The following PACRG variants were observed in gnomAD, a reference collection of about 807,000 sequenced individuals.
The protein encoded by PACRG is parkin coregulated gene protein.
A neutral mutation model predicts 29.7 loss-of-function variants in PACRG; 29 were observed. The ratio of observed to expected loss-of-function variants is 0.98; its 90% CI spans 0.73 to 1.33. The LOEUF (loss-of-function observed/expected upper bound fraction) is 1.33. PACRG is among the 40% of genes most tolerant of loss of function. The pLI, the probability that PACRG is intolerant of heterozygous loss-of-function variation, is 0.00. For synonymous variants in PACRG, 116 were observed against 118.7 expected, an observed-to-expected ratio of 0.98 and a Z score of 0.15; for missense variants, 279 against 316.2, an observed-to-expected ratio of 0.88 and a Z score of 0.89.
At chr6:162,923,054 A>G (rs1797178273) in intron 2 of PACRG, among the ~76,000 whole-genome samples, 1 of 152,088 alleles carries the variant, frequency 6.6e-6, no homozygotes, top group Non-Finnish European at 1.5e-5. Context: ...TTTTTTACTT[A>G]TTGATGATAG....
chr6:163,218,001 A>G (rs1316126985), intron 4 of PACRG, among the ~76,000 whole-genome samples: 1 of 152,216 alleles, frequency 6.6e-6, no homozygotes, highest in Non-Finnish European at 1.5e-5. Flanking sequence ...ACACTGGTCC[A>G]TGGAAAAATT....
At chr6:162,844,566 C>G (rs1187991119) in intron 2 of PACRG, among the ~76,000 whole-genome samples, 1 of 152,262 alleles carries the variant, frequency 6.6e-6, no homozygotes, top group Non-Finnish European at 1.5e-5. Context: ...CTGCGTCGCT[C>G]ACGCTGGGAG....
At chr6:162,928,427 GT>G (rs1204909999) in intron 2 of PACRG, among the ~76,000 whole-genome samples, 2 of 151,152 alleles carry the variant, frequency 1.3e-5, no homozygotes, top group Non-Finnish European at 3.0e-5. Context: ...CTAGCTAATG[GT>G]TTTTTTCATA....
intron 2 of PACRG, among the ~76,000 whole-genome samples, chr6:162,903,201 C>T (rs986017364): frequency 7.9e-5 from 12 of 152,112 alleles, no homozygotes; most frequent in Non-Finnish European, 1.6e-4. Flanking sequence ...TAGAATCAGA[C>T]CCACCCCCGA....
chr6:162,970,846 G>A (rs1020730327), intron 2 of PACRG, among the ~76,000 whole-genome samples: 39 of 29,856 alleles, frequency 1.3e-3, no homozygotes, highest in African/African-American at 3.3e-3. Context: ...CATTGCCCCT[G>A]TCACCTGAGC....
In PACRG at chr6:163,042,054, G is replaced by A. The variant is rs372320870; in HGVS notation, c.292-20096G>A. Among the ~76,000 whole-genome samples, 163 of 152,206 alleles carry A rather than the reference G, an allele frequency of 1.1e-3. 1 individual carries two copies. The highest frequency in any genetic ancestry group is 3.6e-3 in the African/African-American group (148 of 41,538). ...CTAATTTTGTATTTTTAGTAGAGAC[G>A]GGGTTTCTCCATGTTGGTCAGGCTG... On this transcript the variant is annotated intron_variant, in intron 2 of 4. Transcript: ENST00000366888.
intron 1 of PACRG, among the ~76,000 whole-genome samples, chr6:162,774,808 T>C (rs1290604450): frequency 6.6e-6 from 1 of 152,198 alleles, no homozygotes; most frequent in East Asian, 1.9e-4. Context: ...CTTTGTTGTA[T>C]TCTTTTATTA....
chr6:163,289,179 C>T (rs536939768), intron 4 of PACRG, among the ~76,000 whole-genome samples: 4 of 152,272 alleles, frequency 2.6e-5, no homozygotes, highest in South Asian at 2.1e-4. Flanking sequence ...GGCCGTGGAC[C>T]GACTGAACCC....
intron 1 of PACRG, among the ~76,000 whole-genome samples, chr6:162,811,026 A>G (rs1157348702): frequency 6.6e-6 from 1 of 152,172 alleles, no homozygotes; most frequent in African/African-American, 2.4e-5. Flanking sequence ...AGACAGAGAA[A>G]AATCGTGGCA....
At chr6:162,949,505 G>A (rs1447493356) in intron 2 of PACRG, among the ~76,000 whole-genome samples, 2 of 152,132 alleles carry the variant, frequency 1.3e-5, no homozygotes, top group African/African-American at 4.8e-5. Flanking sequence ...GAAGGGAGCA[G>A]TTGAAATACT....
At chr6:162,941,165 G>T (rs1357003783) in intron 2 of PACRG, among the ~76,000 whole-genome samples, 1 of 152,058 alleles carries the variant, frequency 6.6e-6, no homozygotes, top group Non-Finnish European at 1.5e-5. Flanking sequence ...TAATATTAAA[G>T]AGAAACTCAA....
At chr6:162,781,516 A>T (rs1451436148) in intron 1 of PACRG, among the ~76,000 whole-genome samples, 2 of 151,922 alleles carry the variant, frequency 1.3e-5, no homozygotes, top group Non-Finnish European at 2.9e-5. Flanking sequence ...ATATTTTCTG[A>T]TTATTTAAGT....
At chr6:162,771,113 ATTTC>A (rs1783183217) in intron 1 of PACRG, among the ~76,000 whole-genome samples, 1 of 152,108 alleles carries the variant, frequency 6.6e-6, no homozygotes. Context: ...GATTAGAAAT[ATTTC>A]TTACTTATGA....
At chr6:162,958,557 A>G (rs1004576273) in intron 2 of PACRG, among the ~76,000 whole-genome samples, 20 of 152,038 alleles carry the variant, frequency 1.3e-4, no homozygotes, top group Non-Finnish European at 2.4e-4. Flanking sequence ...GTGTAAAAGT[A>G]TGCTTTGCTT....
intron 4 of PACRG, among the ~76,000 whole-genome samples, chr6:163,264,492 A>G (rs6915137): frequency 0.34 from 51,207 of 152,098 alleles, 8,934 homozygotes; most frequent in Non-Finnish European, 0.37. Context: ...CACTCAGCCC[A>G]TGCAAACAGT....
intron 2 of PACRG, among the ~76,000 whole-genome samples, chr6:162,894,568 C>T (rs1034533794): frequency 4.6e-5 from 7 of 152,212 alleles, no homozygotes; most frequent in Non-Finnish European, 8.8e-5. Context: ...GCCTGCCTGA[C>T]TGTCTACAAA....
rs539253562 is a variant in PACRG, at chr6:162,816,401, A to T, written c.291+2120A>T. ...GGAGTCTCGCTCTGTCCCCCAGGCTAGAGCGCAGTGACACGATCTTGGCTC... is the reference window on the plus strand; with the variant it reads ...GGAGTCTCGCTCTGTCCCCCAGGCTTGAGCGCAGTGACACGATCTTGGCTC... On this transcript the variant is annotated intron_variant, in intron 2 of 4. Coordinates refer to ENST00000366888, the MANE Select transcript of PACRG (RefSeq NM_001080379.2). Among the ~76,000 whole-genome samples the T allele has an allele frequency of 7.2e-5, 11 of 152,230 alleles. No homozygotes were observed. The East Asian group carries it at 2.1e-3, about 29-fold the overall frequency.
chr6:163,215,219 T>G (rs1781315639), intron 4 of PACRG, among the ~76,000 whole-genome samples: 1 of 152,194 alleles, frequency 6.6e-6, no homozygotes, highest in Non-Finnish European at 1.5e-5. Context: ...TCTATCATCT[T>G]TCAGTGTCAG....
chr6:163,107,860 T>A (rs1320797702), intron 4 of PACRG, among the ~76,000 whole-genome samples: 1 of 152,256 alleles, frequency 6.6e-6, no homozygotes, highest in African/African-American at 2.4e-5. Flanking sequence ...TCTCTTGCTC[T>A]ATAAATTTCT....
Sources: gnomAD v4.1 joint callset for allele counts (sites outside exome capture counted in the v4.1 genomes callset) on GRCh38, gnomAD v4.1.1 for gene constraint, MANE v1.5 for transcripts, NCBI Gene and HGNC (gene_info 2026-07-23, HGNC 2026-07-21) for gene names.